The following PARD3B variants were observed in gnomAD, a reference collection of about 807,000 sequenced individuals.
PARD3B encodes the protein partitioning defective 3 homolog B.
Under a neutral mutation model 130.2 loss-of-function variants are expected in PARD3B, and 103 were observed. The ratio of observed to expected loss-of-function variants is 0.79; its 90% CI spans 0.67 to 0.93. The LOEUF is 0.93. Ranked by LOEUF, PARD3B falls within the 40% of genes least tolerant of loss-of-function variation. The probability of loss-of-function intolerance (pLI) is 0.00; values close to 1 mark genes in which losing one functional copy is unlikely to be tolerated. For synonymous variants in PARD3B, 583 were observed against 553.2 expected, an observed-to-expected ratio of 1.05 and a Z score of -0.76; for missense variants, 1,609 against 1,499.2, an observed-to-expected ratio of 1.07 and a Z score of -1.21.
chr2:204,976,779 G>C (rs979524062), intron 3 of PARD3B, among the ~76,000 whole-genome samples: 3 of 151,576 alleles, frequency 2.0e-5, no homozygotes, highest in Non-Finnish European at 2.9e-5. Context: ...GCTAATTTTC[G>C]TATTTTTTTT....
intron 2 of PARD3B, among the ~76,000 whole-genome samples, chr2:204,869,438 T>C (rs2045552299): frequency 6.6e-6 from 1 of 152,254 alleles, no homozygotes; most frequent in South Asian, 2.1e-4. Context: ...CCTCTGATGA[T>C]CTTTCATGTA....
At chr2:204,744,565 C>G (rs1414415100) in intron 2 of PARD3B, among the ~76,000 whole-genome samples, 1 of 151,940 alleles carries the variant, frequency 6.6e-6, no homozygotes. Flanking sequence ...GGTTTAATGG[C>G]TGAAACAAGA....
At chr2:204,644,229 TG>T (rs1466255288) in intron 1 of PARD3B, among the ~76,000 whole-genome samples, 1 of 152,178 alleles carries the variant, frequency 6.6e-6, no homozygotes, top group African/African-American at 2.4e-5. Flanking sequence ...TATGTTTTCA[TG>T]GGGACACATT....
At chr2:205,306,085 G>A (rs2105918857) in intron 18 of PARD3B, among the ~76,000 whole-genome samples, 1 of 152,248 alleles carries the variant, frequency 6.6e-6, no homozygotes, top group Non-Finnish European at 1.5e-5. Flanking sequence ...GTGGAAATGA[G>A]GTACAGAGAA....
chr2:204,730,034 C>CACAG (rs1184806538), intron 2 of PARD3B, among the ~76,000 whole-genome samples: 3 of 149,580 alleles, frequency 2.0e-5, no homozygotes, highest in Non-Finnish European at 3.0e-5. Flanking sequence ...CACACACACA[C>CACAG]AGTGACTATT....
chr2:204,564,123 T>G (rs2031523073), intron 1 of PARD3B, among the ~76,000 whole-genome samples: 1 of 152,192 alleles, frequency 6.6e-6, no homozygotes, highest in South Asian at 2.1e-4. Context: ...CTGGTATGGA[T>G]TACATTGCTA....
intron 2 of PARD3B, among the ~76,000 whole-genome samples, chr2:204,902,240 G>A (rs913210524): frequency 1.3e-5 from 2 of 152,174 alleles, no homozygotes; most frequent in African/African-American, 2.4e-5. Context: ...TTTGCTTCAA[G>A]TGGTTCTGGA....
Position 205,168,323 on chromosome 2 carries a change from G to A in PARD3B, c.1621-3888G>A, listed in dbSNP as rs977047394. Among the ~76,000 whole-genome samples, 366 of 151,526 alleles carry A rather than the reference G, an allele frequency of 2.4e-3. 1 individual carries two copies. Among genetic ancestry groups the A allele is most frequent in the Non-Finnish European group, 4.1e-3 (280 of 67,794 alleles). On this transcript the variant is annotated intron_variant, in intron 11 of 22. Coordinates refer to ENST00000406610, the MANE Select transcript of PARD3B (RefSeq NM_001302769.2). ...AGAGAGAGAGAGAGAGAGAGAGAGT[G>A]TGTGTGTGTGAATATTGCAAGCATA...
intron 2 of PARD3B, among the ~76,000 whole-genome samples, chr2:204,864,391 A>G (rs1420729903): frequency 6.6e-6 from 1 of 151,870 alleles, no homozygotes; most frequent in Non-Finnish European, 1.5e-5. Context: ...ATGAAGCACA[A>G]CCTCCTTTTG....
At chr2:205,607,831 T>TAC (rs776583001) in intron 22 of PARD3B, among the ~76,000 whole-genome samples, 20,078 of 115,708 alleles carry the variant, frequency 0.17, 1,872 homozygotes, top group East Asian at 0.29. Flanking sequence ...CCAACACCCA[T>TAC]ACACACACAC....
chr2:205,499,821 T>C (rs1687710963), intron 20 of PARD3B, 75 bp from the exon 21 acceptor site: 2 of 1,420,420 alleles, frequency 1.4e-6, no homozygotes, highest in Admixed American at 2.2e-5. Context: ...TCAACTCCTT[T>C]AACAAGAAGA....
In PARD3B at chr2:205,221,149, T is replaced by A. The variant is rs563279549; in HGVS notation, c.2141-24629T>A. On this transcript the variant is annotated intron_variant, in intron 15 of 22. Transcript: ENST00000406610. ...GGACTAAATGCAGAGTCCCACAGAT[T>A]AGTCAAGAGATGTTACATCTGTCAA... Among the ~76,000 whole-genome samples the A allele has an allele frequency of 2.0e-4, 30 of 152,282 alleles. 1 individual carries two copies. The South Asian group carries it at 6.2e-3, about 32-fold the overall frequency.
chr2:205,392,285 A>G (rs1367662394), intron 18 of PARD3B, among the ~76,000 whole-genome samples: 1 of 152,162 alleles, frequency 6.6e-6, no homozygotes, highest in Non-Finnish European at 1.5e-5. Flanking sequence ...ACATCAACAT[A>G]TTTGAGATCT....
At chr2:205,457,448 G>C (rs141471533) in intron 20 of PARD3B, among the ~76,000 whole-genome samples, 4 of 151,980 alleles carry the variant, frequency 2.6e-5, no homozygotes, top group African/African-American at 9.6e-5. Context: ...TAAATCTACA[G>C]ATGTTTTGAG....
At chr2:205,192,045 C>T (rs559977685) in intron 14 of PARD3B, among the ~76,000 whole-genome samples, 46 of 152,212 alleles carry the variant, frequency 3.0e-4, no homozygotes, top group African/African-American at 1.0e-3. Context: ...AATTTACCCA[C>T]GGCATTATAA....
Position 204,940,252 on chromosome 2 carries a change from C to T in PARD3B, c.223-24900C>T, listed in dbSNP as rs555944500. 2.2e-4 allele frequency among the ~76,000 whole-genome samples: 34 copies of T among 152,260 alleles called. No individual in the cohort carries two copies. The South Asian group carries it at 5.8e-3, about 26-fold the overall frequency. On this transcript the variant is annotated intron_variant, in intron 2 of 22. Transcript: ENST00000406610. The stretch of plus-strand genomic sequence containing the variant: ...GGACAAAGAACTCTGGCTCCTCTTC[C>T]GACATGTTATTTCATGTTCATCTAA...
At chr2:204,989,632 T>C (rs1278320422) in intron 3 of PARD3B, among the ~76,000 whole-genome samples, 1 of 152,096 alleles carries the variant, frequency 6.6e-6, no homozygotes, top group Admixed American at 6.6e-5. Context: ...TTCTTTATAA[T>C]TTTACCATGA....
In PARD3B at chr2:204,964,569, C is replaced by T. The variant is rs79232040; in HGVS notation, c.223-583C>T. Among the ~76,000 whole-genome samples, 59 of 152,032 alleles carry T rather than the reference C, an allele frequency of 3.9e-4. No individual in the cohort carries two copies. The East Asian group carries it at 0.011, about 28-fold the overall frequency. On this transcript the variant is annotated intron_variant, in intron 2 of 22. Coordinates refer to ENST00000406610, the MANE Select transcript of PARD3B (RefSeq NM_001302769.2). The stretch of plus-strand genomic sequence containing the variant: ...CAGAGTCAGTCATGAAGGAAAAGAA[C>T]AAAATTAAAGGCATGTACAAAAATG...
intron 2 of PARD3B, among the ~76,000 whole-genome samples, chr2:204,816,546 T>C (rs2043153096): frequency 6.6e-6 from 1 of 152,000 alleles, no homozygotes. Context: ...ATTTTTCTTT[T>C]ATTACTTTAA....
Sources: gnomAD v4.1 joint callset for allele counts (sites outside exome capture counted in the v4.1 genomes callset) on GRCh38, gnomAD v4.1.1 for gene constraint, MANE v1.5 for transcripts, NCBI Gene and HGNC (gene_info 2026-07-23, HGNC 2026-07-21) for gene names.